ERP44: variants seen among roughly 807,000 people sequenced by gnomAD.
The protein encoded by ERP44 is endoplasmic reticulum resident protein 44.
ERP44 carries 25 observed loss-of-function variants against 53.4 expected under a neutral mutation model. The ratio of observed to expected loss-of-function variants is 0.47; its 90% CI spans 0.34 to 0.65. The LOEUF is 0.65. Among genes scored for constraint, ERP44 ranks in the 30% least tolerant of loss-of-function variants. The pLI is 0.01. For synonymous variants in ERP44, 145 were observed against 161.2 expected (o/e 0.90, Z 0.76); for missense variants, 338 against 493.2 (o/e 0.69, Z 2.98).
At chr9:100,089,888 A>G (rs2118759405) in intron 1 of ERP44, among the ~76,000 whole-genome samples, 1 of 152,326 alleles carries the variant, frequency 6.6e-6, no homozygotes, top group Non-Finnish European at 1.5e-5. Flanking sequence ...GCAGACACTG[A>G]GCATCTTGGA....
At chr9:100,074,203 C>T (rs914402329) in intron 1 of ERP44, among the ~76,000 whole-genome samples, 1 of 152,152 alleles carries the variant, frequency 6.6e-6, no homozygotes, top group Non-Finnish European at 1.5e-5. Context: ...TGGGTTATCA[C>T]AGGAGTCCCC....
chr9:99,994,142 C>G (rs1032451038), intron 10 of ERP44, among the ~76,000 whole-genome samples: 1 of 152,272 alleles, frequency 6.6e-6, no homozygotes, highest in East Asian at 1.9e-4. Flanking sequence ...CCCAGCCATC[C>G]CATTACTGGG....
rs1830308917 is a variant in ERP44, at chr9:99,996,247, T to G, written c.1016+10259A>C. On this transcript the variant is annotated intron_variant, in intron 10 of 11. Transcript: ENST00000262455. Reference sequence around the variant, plus strand: ...TAGTTGAGTTCTAGCTCTAGTGAGATAGGATTAGTTTTGCTGGGATTGAAT... The same window carrying G: ...TAGTTGAGTTCTAGCTCTAGTGAGAGAGGATTAGTTTTGCTGGGATTGAAT... 2.6e-5 allele frequency among the ~76,000 whole-genome samples: 4 copies of G among 152,168 alleles called. No homozygotes were observed. The South Asian group carries it at 8.3e-4, about 31-fold the overall frequency.
intron 3 of ERP44, among the ~76,000 whole-genome samples, chr9:100,053,264 A>C (rs1459030164): frequency 6.6e-6 from 1 of 152,216 alleles, no homozygotes; most frequent in Non-Finnish European, 1.5e-5. Context: ...TAAGTCCAGA[A>C]GCAAATATCT....
chr9:100,062,606 T>TG (rs1316768131), intron 1 of ERP44, among the ~76,000 whole-genome samples: 6 of 152,208 alleles, frequency 3.9e-5, no homozygotes, highest in Non-Finnish European at 7.4e-5. Context: ...CGGCATGGTG[T>TG]GCGCTACCTC....
At chr9:99,999,979 C>T (rs1180948349) in intron 10 of ERP44, among the ~76,000 whole-genome samples, 1 of 152,096 alleles carries the variant, frequency 6.6e-6, no homozygotes, top group African/African-American at 2.4e-5. Flanking sequence ...GGGAAAAGTG[C>T]ACCTTTTTTG....
intron 4 of ERP44, among the ~76,000 whole-genome samples, chr9:100,044,999 A>G (rs757419060): frequency 1.3e-5 from 2 of 152,216 alleles, no homozygotes; most frequent in Non-Finnish European, 2.9e-5. Flanking sequence ...ACTTTCAAAT[A>G]GCATAGTTAA....
Position 100,058,020 on chromosome 9 carries a change from T to A in ERP44, c.131-161A>T, listed in dbSNP as rs552278825. On this transcript the variant is annotated intron_variant, in intron 2 of 11. Transcript: ENST00000262455. Reference sequence around the variant, plus strand: ...AACCTAGAGTCATGGACAGCTTATATAATTTATGGGAAACTTTGTCTCTTT... The same window carrying A: ...AACCTAGAGTCATGGACAGCTTATAAAATTTATGGGAAACTTTGTCTCTTT... 3.3e-5 allele frequency among the ~76,000 whole-genome samples: 5 copies of A among 152,332 alleles called. No individual in the cohort carries two copies. The East Asian group carries it at 7.7e-4, about 23-fold the overall frequency.
intron 4 of ERP44, among the ~76,000 whole-genome samples, chr9:100,042,730 A>T (rs1028595821): frequency 1.3e-5 from 2 of 152,138 alleles, no homozygotes; most frequent in East Asian, 3.9e-4. Flanking sequence ...ACTAATCCAT[A>T]AAAAAAAGAA....
chr9:100,022,024 G>A lies in ERP44; in HGVS notation c.471+18C>T. On this transcript the variant is annotated intron_variant, in intron 5 of 11. Coordinates refer to ENST00000262455, the MANE Select transcript of ERP44 (RefSeq NM_015051.3). ...AATCAGGGAATGTTTGTTTAATCTA[G>A]CAAAAGTTACAACTTACATCAAGAG... is the stretch of plus-strand genomic sequence containing the variant. 1.2e-6 allele frequency: 2 copies of A among 1,600,162 alleles called. No individual in the cohort carries two copies. The highest frequency in any genetic ancestry group is 1.7e-6 in the Non-Finnish European group (2 of 1,173,464).
chr9:100,066,508 A>C (rs1207216463), intron 1 of ERP44, among the ~76,000 whole-genome samples: 1 of 152,202 alleles, frequency 6.6e-6, no homozygotes, highest in Non-Finnish European at 1.5e-5. Flanking sequence ...TATTTTTGCT[A>C]AATCTTTCAT....
At chr9:100,082,856 G>GA in intron 1 of ERP44, among the ~76,000 whole-genome samples, 1 of 151,838 alleles carries the variant, frequency 6.6e-6, no homozygotes, top group Admixed American at 6.6e-5. Flanking sequence ...AAATCCTCAT[G>GA]AGAATATATT....
At chr9:100,068,856 A>G (rs1826267306) in intron 1 of ERP44, among the ~76,000 whole-genome samples, 1 of 152,226 alleles carries the variant, frequency 6.6e-6, no homozygotes, top group Non-Finnish European at 1.5e-5. Context: ...AAAGGGGGGA[A>G]AGGTGGGGAA....
chr9:100,056,873 C>A (rs1826092754), intron 3 of ERP44, among the ~76,000 whole-genome samples: 1 of 152,108 alleles, frequency 6.6e-6, no homozygotes, highest in African/African-American at 2.4e-5. Context: ...CATAAGGGGC[C>A]TTCTGGGTCA....
At chr9:100,007,515 A>G in intron 9 of ERP44, 63 bp downstream of exon 9, 1 of 857,758 alleles carries the variant, frequency 1.2e-6, no homozygotes, top group Non-Finnish European at 2.0e-6. Context: ...AGAGGAGATG[A>G]TGAAAGGGAA....
At chr9:100,045,689 C>G (rs922201543) in intron 4 of ERP44, among the ~76,000 whole-genome samples, 4 of 152,094 alleles carry the variant, frequency 2.6e-5, no homozygotes, top group Admixed American at 1.3e-4. Context: ...GCAAGGCAGA[C>G]AGACTAAAGT....
intron 1 of ERP44, among the ~76,000 whole-genome samples, chr9:100,070,173 C>G (rs1419201334): frequency 6.6e-6 from 1 of 152,170 alleles, no homozygotes; most frequent in African/African-American, 2.4e-5. Context: ...CACTGTAATT[C>G]TTACCCAGGA....
At chr9:100,040,958 T>G (rs1283095886) in intron 4 of ERP44, among the ~76,000 whole-genome samples, 1 of 151,326 alleles carries the variant, frequency 6.6e-6, no homozygotes, top group Non-Finnish European at 1.5e-5. Flanking sequence ...AAATGAAAGA[T>G]CTCTACAATG....
chr9:100,045,024 A>C (rs1014378487), intron 4 of ERP44, among the ~76,000 whole-genome samples: 2 of 152,288 alleles, frequency 1.3e-5, no homozygotes, highest in East Asian at 1.9e-4. Context: ...TAAAAGCTGT[A>C]TCGTCCTGGG....
Sources: gnomAD v4.1 joint callset for allele counts (sites outside exome capture counted in the v4.1 genomes callset) on GRCh38, gnomAD v4.1.1 for gene constraint, MANE v1.5 for transcripts, NCBI Gene and HGNC (gene_info 2026-07-23, HGNC 2026-07-21) for gene names.